The following CCDC40 variants were observed in gnomAD, a reference collection of about 807,000 sequenced individuals.
The protein encoded by CCDC40 is coiled-coil domain 40 molecular ruler complex subunit.
CCDC40 carries 104 observed loss-of-function variants against 124.5 expected under a neutral mutation model. The observed-to-expected ratio is 0.84, with a 90% CI of 0.71 to 0.98. CCDC40 has a LOEUF of 0.98. CCDC40 is among the 50% of genes least tolerant of loss of function. CCDC40 has a pLI of 0.00. For synonymous variants in CCDC40, 580 were observed against 602.9 expected (o/e 0.96, Z 0.56); for missense variants, 1,463 against 1,503.9 (o/e 0.97, Z 0.45).
At chr17:80,050,839 G>A (rs1226040858) in intron 7 of CCDC40, among the ~76,000 whole-genome samples, 2 of 152,236 alleles carry the variant, frequency 1.3e-5, no homozygotes, top group South Asian at 2.1e-4. Context: ...AGAGATGGGT[G>A]AGCTGCAGAG....
intron 12 of CCDC40, among the ~76,000 whole-genome samples, chr17:80,082,732 T>G (rs370189173): frequency 7.2e-5 from 11 of 152,196 alleles, no homozygotes; most frequent in African/African-American, 2.7e-4. Context: ...CCAGCCGTGC[T>G]GCTACCAGCC....
chr17:80,089,663 C>A, intron 16 of CCDC40, 101 bp from the exon 17 acceptor site: 1 of 1,405,420 alleles, frequency 7.1e-7, no homozygotes, highest in Non-Finnish European at 1.0e-6. Flanking sequence ...CTTGGCTCTG[C>A]CATTGCAGCT....
chr17:80,088,199 C>T, intron 16 of CCDC40, 97 bp downstream of exon 16: 3 of 801,308 alleles, frequency 3.7e-6, no homozygotes, highest in Non-Finnish European at 6.7e-6. Flanking sequence ...GGTGTGGCAG[C>T]TCACACCCAT....
chr17:80,080,458 C>T (rs1409256661), intron 10 of CCDC40, among the ~76,000 whole-genome samples: 2 of 152,182 alleles, frequency 1.3e-5, no homozygotes, highest in Admixed American at 6.5e-5. Flanking sequence ...TAGAGCTTGA[C>T]GTTAATTACA....
intron 7 of CCDC40, among the ~76,000 whole-genome samples, chr17:80,055,091 T>C (rs915929457): frequency 6.6e-6 from 1 of 152,102 alleles, no homozygotes; most frequent in East Asian, 1.9e-4. Context: ...CAAAGTAGGA[T>C]AGAAGGAGAG....
At position 80,058,554 on chromosome 17, in the gene CCDC40, T is replaced by C. The variant is rs141185078; in HGVS notation, c.1220T>C (p.Ile407Thr). 810 of 1,614,072 alleles carry C rather than the reference T, an allele frequency of 5.0e-4. 3 individuals carry two copies. The African/African-American group carries it at 9.7e-3, about 19-fold the overall frequency. Residue 407 changes from isoleucine to threonine, a missense_variant, in exon 8 of 20, where the codon ATC (isoleucine) becomes ACC (threonine). Physicochemically the swap from Ile to Thr is moderately conservative, Grantham distance 89. Transcript: ENST00000397545. The surrounding 1 kb of genome is among the most constrained non-coding windows in gnomAD (Gnocchi z 4.2). ...CTGCATCTCTTCTACATGCAGAACATCGACCAGGACATGCGTGACGACATC... is the reference window on the plus strand; with the variant it reads ...CTGCATCTCTTCTACATGCAGAACACCGACCAGGACATGCGTGACGACATC... Reference protein sequence around the residue: ...LALHLFYMQNIDQDMRDDIRV... With the variant: ...LALHLFYMQNTDQDMRDDIRV...
Position 80,050,294 on chromosome 17 carries a change from C to T in CCDC40, c.1159+11C>T. ...AGGAGCGCAAAAAGTGTAAGGCAAC[C>T]CGGCAGCCCCACACGCCATCCGGTC... On this transcript the variant is annotated intron_variant, in intron 7 of 19. Transcript: ENST00000397545. 6.5e-7 allele frequency: 1 copy of T among 1,549,698 alleles called. No individual in the cohort carries two copies. Among genetic ancestry groups the T allele is most frequent in the East Asian group, 2.4e-5 (1 of 41,028 alleles).
chr17:80,036,895 A>C (rs2037079535), intron 1 of CCDC40: 4 of 462,054 alleles, frequency 8.7e-6, no homozygotes, highest in African/African-American at 2.2e-5. Flanking sequence ...AACCCTTCTC[A>C]CTTCTCCCCT....
Position 80,055,453 on chromosome 17 carries a change from C to T in CCDC40, c.1160-3041C>T, listed in dbSNP as rs1348794551. Reference sequence around the variant, plus strand: ...TAGCTATAACAACTTTTAAATAAGTCCAGGAAGAAATCCAACAAGGAATGA... The same window carrying T: ...TAGCTATAACAACTTTTAAATAAGTTCAGGAAGAAATCCAACAAGGAATGA... On this transcript the variant is annotated intron_variant, in intron 7 of 19. Transcript: ENST00000397545. Among the ~76,000 whole-genome samples the T allele has an allele frequency of 2.0e-5, 3 of 151,592 alleles. No homozygotes were observed. In the East Asian group the frequency reaches 5.8e-4, roughly 29 times the overall value.
At chr17:80,097,027 C>G (rs2038822323) in intron 18 of CCDC40, among the ~76,000 whole-genome samples, 1 of 152,240 alleles carries the variant, frequency 6.6e-6, no homozygotes, top group African/African-American at 2.4e-5. Flanking sequence ...AGGCCCCCAT[C>G]TCTCTGCCAC....
Position 80,058,919 on chromosome 17 carries a change from T to A in CCDC40, c.1379T>A (p.Phe460Tyr), listed in dbSNP as rs201576715. 3.1e-4 allele frequency: 499 copies of A among 1,614,044 alleles called. No homozygotes were observed. Among genetic ancestry groups the A allele is most frequent in the Non-Finnish European group, 4.0e-4 (468 of 1,180,030 alleles). The change falls in exon 9 of 20, where the codon TTT becomes TAT. Residue 460 changes from phenylalanine to tyrosine, a missense_variant. By Grantham distance (22) the Phe-to-Tyr change is conservative. Transcript: ENST00000397545. This position sits in a 1 kb window ranked among gnomAD's most constrained non-coding sequence, Gnocchi z 4.2. ...CAACTGGAAGAAGACATTGCCCTGT[T>A]TGAGGCTCAGTACTTGGCCCAAGCT... ...AQQLEEDIAL[F>Y]EAQYLAQAED...
At chr17:80,068,476 A>C (rs1301768751) in intron 10 of CCDC40, among the ~76,000 whole-genome samples, 1 of 152,204 alleles carries the variant, frequency 6.6e-6, no homozygotes, top group East Asian at 1.9e-4. Context: ...ACAGAAATAA[A>C]TTATTGCATA....
chr17:80,067,395 C>T, intron 10 of CCDC40: 1 of 607,202 alleles, frequency 1.6e-6, no homozygotes, highest in South Asian at 2.0e-5. Flanking sequence ...AACTTGTGTG[C>T]AATTGCAAGA....
At chr17:80,089,677 G>A in intron 16 of CCDC40, 87 bp from the exon 17 acceptor site, 2 of 1,528,352 alleles carry the variant, frequency 1.3e-6, no homozygotes, top group Non-Finnish European at 1.8e-6. Context: ...TGCAGCTTGA[G>A]AGCCTTGTAA....
chr17:80,039,587 T>A (rs2037219582), intron 2 of CCDC40, among the ~76,000 whole-genome samples: 1 of 151,868 alleles, frequency 6.6e-6, no homozygotes, highest in African/African-American at 2.4e-5. Context: ...AATTTTTGTA[T>A]TTTTAGTAGA....
At chr17:80,093,280 C>G (rs1451481433) in intron 17 of CCDC40, among the ~76,000 whole-genome samples, 1 of 152,176 alleles carries the variant, frequency 6.6e-6, no homozygotes, top group African/African-American at 2.4e-5. Context: ...CTCCTGGGTT[C>G]GAGCAATTCT....
At chr17:80,053,210 A>G (rs9944502) in intron 7 of CCDC40, among the ~76,000 whole-genome samples, 48,609 of 152,164 alleles carry the variant, frequency 0.32, 10,572 homozygotes, top group African/African-American at 0.62. Context: ...ATGCAGCTGA[A>G]AGAGAAAATA....
In CCDC40 at chr17:80,066,337, C is replaced by T. The variant is rs567274015; in HGVS notation, c.1562+731C>T. The T allele has an allele frequency of 2.5e-4, 147 of 584,004 alleles. 1 individual carries two copies. The African/African-American group carries it at 2.7e-3, about 11-fold the overall frequency. The allele number at this position is 584,004 out of a possible 1,614,324, so 36.2% of individuals were successfully genotyped here. On this transcript the variant is annotated intron_variant, in intron 10 of 19. Coordinates refer to ENST00000397545, the MANE Select transcript of CCDC40 (RefSeq NM_017950.4). The surrounding 1 kb of genome is among the most constrained non-coding windows in gnomAD (Gnocchi z 4.4). ...ACAGCACCCGCAGCCAGGCAGCCAG[C>T]AGCAGTCACACAACCAGGAGATGCT...
At position 80,040,270 on chromosome 17, in the gene CCDC40, G is replaced by A. The variant is rs141588728; in HGVS notation, c.552G>A (p.Leu184=). ...QVTSGPAVGR[L]TGSTEEPQGQ... ...CCTCTGGGCCAGCAGTGGGCAGATT[G>A]GTGAGTAGCCCTGACTTCTGTTTTG... Residue 184 remains leucine, a splice_region_variant and synonymous_variant, in exon 3 of 20, where the codon TTG becomes TTA. Coordinates refer to ENST00000397545, the MANE Select transcript of CCDC40 (RefSeq NM_017950.4). 122 of 1,612,714 alleles carry A rather than the reference G, an allele frequency of 7.6e-5. 1 individual carries two copies. The African/African-American group carries it at 1.5e-3, about 20-fold the overall frequency.
Sources: gnomAD v4.1 joint callset for allele counts (sites outside exome capture counted in the v4.1 genomes callset) on GRCh38, gnomAD v4.1.1 for gene constraint, Gnocchi (gnomAD v3.1) non-coding constraint, MANE v1.5 for transcripts, NCBI Gene and HGNC (gene_info 2026-07-23, HGNC 2026-07-21) for gene names.